The following ARSG variants were observed in gnomAD, a reference collection of about 807,000 sequenced individuals.
ARSG encodes the protein ASG.
Under a neutral mutation model 50.5 loss-of-function variants are expected in ARSG, and 37 were observed. The ratio of observed to expected loss-of-function variants is 0.73; its 90% confidence interval spans 0.56 to 0.96. ARSG has a LOEUF of 0.96. Among genes scored for constraint, ARSG ranks in the 50% least tolerant of loss-of-function variants. The probability of loss-of-function intolerance (pLI) is 0.00; values close to 1 mark genes in which losing one functional copy is unlikely to be tolerated. For synonymous variants in ARSG, 225 were observed against 254.6 expected (o/e 0.88, Z 1.11); for missense variants, 629 against 675.3 (o/e 0.93, Z 0.76).
At chr17:68,324,050 T>C (rs2077399637) in intron 2 of ARSG, among the ~76,000 whole-genome samples, 1 of 125,364 alleles carries the variant, frequency 8.0e-6, no homozygotes, top group African/African-American at 3.1e-5. Context: ...TCCAGCCTGG[T>C]TAACAGAGCA....
In ARSG at chr17:68,371,075, C is replaced by CT. The variant is rs2079815842; in HGVS notation, c.982+554dup. Among the ~76,000 whole-genome samples the CT allele has an allele frequency of 2.6e-5, 4 of 151,988 alleles. No homozygotes were observed. In the South Asian group the frequency reaches 8.3e-4, roughly 32 times the overall value. ...GTGGCTCACGCCTGTAATCCCAGCA[C>CT]TTTGGGAAGCCCAGGCCGGCGGATC... On this transcript the variant is annotated intron_variant, in intron 8 of 11. Coordinates refer to ENST00000621439, the MANE Select transcript of ARSG (RefSeq NM_001267727.2).
intron 2 of ARSG, among the ~76,000 whole-genome samples, chr17:68,313,934 C>T (rs2076969014): frequency 6.6e-6 from 1 of 152,074 alleles, no homozygotes; most frequent in Non-Finnish European, 1.5e-5. Context: ...CTGCCTTGGC[C>T]TCCCAAAGTG....
At chr17:68,397,355 G>A (rs2081289800) in intron 10 of ARSG, among the ~76,000 whole-genome samples, 1 of 152,128 alleles carries the variant, frequency 6.6e-6, no homozygotes, top group African/African-American at 2.4e-5. Flanking sequence ...AGCAGCTGAT[G>A]GTATCTTCAA....
At chr17:68,443,174 G>A in the ARSG span, among the ~76,000 whole-genome samples, 43 of 152,080 alleles carry the variant, frequency 2.8e-4, no homozygotes, top group Admixed American at 2.4e-3. Flanking sequence ...GCAGTGGTGC[G>A]ATCTCAGCTC....
chr17:68,427,034 C>T (rs952646494), downstream of ARSG: 18 of 982,596 alleles, frequency 1.8e-5, no homozygotes, highest in African/African-American at 2.7e-4. Flanking sequence ...GGCACTCCAC[C>T]CCCAGGTAAC....
chr17:68,363,726 C>T (rs988296699), intron 6 of ARSG, among the ~76,000 whole-genome samples: 1 of 152,054 alleles, frequency 6.6e-6, no homozygotes, highest in Non-Finnish European at 1.5e-5. Flanking sequence ...CTCGGCCTCC[C>T]AAAGTGCTGG....
At chr17:68,401,905 T>C (rs180910405) in intron 11 of ARSG, among the ~76,000 whole-genome samples, 29 of 152,340 alleles carry the variant, frequency 1.9e-4, no homozygotes, top group Middle Eastern at 6.8e-3. Flanking sequence ...GTCTCTTAGA[T>C]GTATACTTTA....
intron 2 of ARSG, among the ~76,000 whole-genome samples, chr17:68,312,927 A>G (rs1364661666): frequency 6.6e-6 from 1 of 152,050 alleles, no homozygotes; most frequent in Non-Finnish European, 1.5e-5. Flanking sequence ...ATTTTCTAGG[A>G]CTGCTGGAAC....
chr17:68,290,755 T>G (rs1555755547), upstream of ARSG, among the ~76,000 whole-genome samples: 2 of 152,300 alleles, frequency 1.3e-5, no homozygotes, highest in Middle Eastern at 3.4e-3. Flanking sequence ...AGCCCCCGAC[T>G]CTTCCGACGT....
intron 1 of ARSG, among the ~76,000 whole-genome samples, chr17:68,265,273 C>A (rs111663803): frequency 0.015 from 2,247 of 152,008 alleles, 52 homozygotes; most frequent in African/African-American, 0.05. Context: ...GTGGGCAGAT[C>A]ACTTGAGGTC....
At chr17:68,315,605 A>G (rs914538397) in intron 2 of ARSG, among the ~76,000 whole-genome samples, 9 of 151,868 alleles carry the variant, frequency 5.9e-5, no homozygotes, top group African/African-American at 2.2e-4. Context: ...CTGTCCAAGC[A>G]TAAGAGGCAA....
intron 2 of ARSG, among the ~76,000 whole-genome samples, chr17:68,338,579 A>G (rs1007822366): frequency 6.6e-6 from 1 of 152,150 alleles, no homozygotes; most frequent in African/African-American, 2.4e-5. Context: ...GGCCAGGAGC[A>G]TGGACTGGAT....
chr17:68,400,205 A>T (rs1663962112), intron 10 of ARSG: 1 of 152,258 alleles, frequency 6.6e-6, no homozygotes, highest in East Asian at 1.9e-4. Context: ...ATACCAAGGC[A>T]GTCTCATGCT....
the ARSG span, chr17:68,440,940 T>C: frequency 1.3e-5 from 2 of 152,264 alleles, no homozygotes; most frequent in African/African-American, 4.8e-5. Context: ...AAATGCCCTA[T>C]GCTCCTACAA....
At chr17:68,318,296 A>G (rs1199528865) in intron 2 of ARSG, among the ~76,000 whole-genome samples, 1 of 152,236 alleles carries the variant, frequency 6.6e-6, no homozygotes, top group African/African-American at 2.4e-5. Context: ...CTGATGATAC[A>G]ACACTAGTTT....
At chr17:68,317,985 G>A (rs935428570) in intron 2 of ARSG, among the ~76,000 whole-genome samples, 183 of 152,184 alleles carry the variant, frequency 1.2e-3, no homozygotes, top group African/African-American at 4.2e-3. Flanking sequence ...TGTAATCCCA[G>A]CTACTCGGGA....
intron 6 of ARSG, among the ~76,000 whole-genome samples, chr17:68,358,418 G>T (rs2079131279): frequency 6.6e-6 from 1 of 152,028 alleles, no homozygotes. Context: ...GCTGGGCGCG[G>T]TGGCTCACGT....
At chr17:68,312,519 T>TC (rs1273558907) in intron 2 of ARSG, among the ~76,000 whole-genome samples, 2 of 152,130 alleles carry the variant, frequency 1.3e-5, no homozygotes, top group African/African-American at 4.8e-5. Flanking sequence ...CGTTTTTTTT[T>TC]TCTCATGTGC....
chr17:68,379,262 A>G (rs552291676), intron 8 of ARSG, among the ~76,000 whole-genome samples: 3 of 151,846 alleles, frequency 2.0e-5, no homozygotes, highest in Non-Finnish European at 4.4e-5. Context: ...TTTTGTAGAG[A>G]CAGGGTCTCA....
Sources: gnomAD v4.1 joint callset for allele counts (sites outside exome capture counted in the v4.1 genomes callset) on GRCh38, gnomAD v4.1.1 for gene constraint, MANE v1.5 for transcripts, NCBI Gene and HGNC (gene_info 2026-07-23, HGNC 2026-07-21) for gene names.